The following ARMC8 variants were observed in gnomAD, a reference collection of about 807,000 sequenced individuals.
The protein encoded by ARMC8 is armadillo repeat-containing protein 8.
ARMC8 carries 20 observed loss-of-function variants against 99.3 expected under a neutral mutation model. The ratio of observed to expected loss-of-function variants is 0.20; its 90% CI spans 0.14 to 0.29. ARMC8 has a LOEUF of 0.29. Among genes scored for constraint, ARMC8 ranks in the 10% least tolerant of loss-of-function variants. ARMC8 has a pLI of 1.00. For missense variants in ARMC8, 569 were observed against 809.5 expected, an observed-to-expected ratio of 0.70 and a Z score of 3.60; for synonymous variants, 263 against 278.3, an observed-to-expected ratio of 0.95 and a Z score of 0.55.
chr3:138,277,736 C>T (rs1240739401), intron 18 of ARMC8, among the ~76,000 whole-genome samples: 1 of 152,186 alleles, frequency 6.6e-6, no homozygotes, highest in Non-Finnish European at 1.5e-5. Flanking sequence ...CAGTTTCTTA[C>T]AAAGTTGTAC....
At chr3:138,284,606 A>G in intron 19 of ARMC8, 80 bp downstream of exon 19, 1 of 1,073,624 alleles carries the variant, frequency 9.3e-7, no homozygotes, top group South Asian at 1.4e-5. Flanking sequence ...TTGTGCAGAG[A>G]TTTTAAAAAG....
intron 16 of ARMC8, 73 bp downstream of exon 16, chr3:138,270,205 T>G: frequency 8.5e-7 from 1 of 1,174,568 alleles, no homozygotes; most frequent in South Asian, 1.4e-5. Flanking sequence ...AACTATAATG[T>G]GTTATTTGAA....
intron 6 of ARMC8, among the ~76,000 whole-genome samples, chr3:138,233,225 A>G (rs2046149602): frequency 6.6e-6 from 1 of 152,206 alleles, no homozygotes; most frequent in Non-Finnish European, 1.5e-5. Flanking sequence ...CAGATGATGC[A>G]TGGATGAGGT....
At chr3:138,227,831 C>T (rs1161931003) in intron 5 of ARMC8, among the ~76,000 whole-genome samples, 3 of 152,206 alleles carry the variant, frequency 2.0e-5, no homozygotes, top group African/African-American at 7.2e-5. Context: ...AGTACATCTC[C>T]TGGGAATTTG....
At chr3:138,212,598 C>T (rs1029914215) in intron 2 of ARMC8, among the ~76,000 whole-genome samples, 2 of 151,992 alleles carry the variant, frequency 1.3e-5, no homozygotes, top group Admixed American at 1.3e-4. Context: ...TGAGCCACCG[C>T]GCCTGGCCTA....
chr3:138,264,394 A>G lies in ARMC8; in HGVS notation c.1299+182A>G, dbSNP rs946454566. ...AATGCTTCATGTGTGAGGGGGAACT[A>G]CAGGCCTGATTTTCTTTCTTTTTTT... is the stretch of plus-strand genomic sequence containing the variant. On this transcript the variant is annotated intron_variant, in intron 14 of 21. Coordinates refer to ENST00000469044, the MANE Select transcript of ARMC8 (RefSeq NM_001363941.2). Among the ~76,000 whole-genome samples, 8 of 147,780 alleles carry G rather than the reference A, an allele frequency of 5.4e-5. No individual in the cohort carries two copies. The South Asian group carries it at 8.6e-4, about 16-fold the overall frequency.
chr3:138,249,815 C>G (rs2108209024), intron 12 of ARMC8, among the ~76,000 whole-genome samples: 1 of 152,174 alleles, frequency 6.6e-6, no homozygotes, highest in African/African-American at 2.4e-5. Flanking sequence ...AATAAAACCT[C>G]AATAAGTCAG....
intron 16 of ARMC8, among the ~76,000 whole-genome samples, chr3:138,271,941 G>A (rs780074433): frequency 3.3e-5 from 5 of 151,886 alleles, no homozygotes; most frequent in South Asian, 2.1e-4. Context: ...GATTACAGGC[G>A]TGTGCCACCA....
Position 138,298,238 on chromosome 3 carries a change from A to T in ARMC8, c.*2346A>T, listed in dbSNP as rs1266769405. The T allele has an allele frequency of 6.6e-6, 1 of 152,220 alleles. No homozygotes were observed. Among genetic ancestry groups the T allele is most frequent in the Non-Finnish European group, 1.5e-5 (1 of 68,034 alleles). 9.4% of individuals were successfully genotyped at this position (152,220 alleles called of 1,614,324 possible). On this transcript the variant is annotated 3_prime_UTR_variant, in exon 22 of 22. Transcript: ENST00000469044. Reference sequence around the variant, plus strand: ...CCCTGATTGTAATCCAAAATTTATGAACTAGAAAAGAATGTCCAATTTAAT... The same window carrying T: ...CCCTGATTGTAATCCAAAATTTATGTACTAGAAAAGAATGTCCAATTTAAT...
chr3:138,194,439 A>G (rs1306008296), intron 1 of ARMC8, among the ~76,000 whole-genome samples: 48 of 124,690 alleles, frequency 3.8e-4, no homozygotes, highest in Middle Eastern at 5.8e-3. Flanking sequence ...CCAGGTTCAC[A>G]CCATTCTCCT....
intron 19 of ARMC8, 75 bp from the exon 20 acceptor site, chr3:138,288,973 G>GT: frequency 8.1e-7 from 1 of 1,233,990 alleles, no homozygotes; most frequent in Non-Finnish European, 1.2e-6. Flanking sequence ...ATTGGCTATG[G>GT]TAGGTCCCCC....
At chr3:138,217,848 T>TG (rs1357011132) in intron 2 of ARMC8, among the ~76,000 whole-genome samples, 4 of 152,232 alleles carry the variant, frequency 2.6e-5, no homozygotes, top group African/African-American at 9.6e-5. Flanking sequence ...TTTCTGTTGT[T>TG]TCCTGCACCC....
intron 12 of ARMC8, among the ~76,000 whole-genome samples, chr3:138,260,382 G>C (rs943366034): frequency 1.3e-5 from 2 of 152,134 alleles, no homozygotes; most frequent in African/African-American, 4.8e-5. Context: ...GGCCCAGAGA[G>C]GTAAATTGCC....
chr3:138,201,051 T>C lies in ARMC8; in HGVS notation c.46-8766T>C, dbSNP rs745640168. ...CCTCAGCTTCCCCAGTAGCTGGGATTATAGATGCATGCCACCATGCCCGAC... is the reference window on the plus strand; with the variant it reads ...CCTCAGCTTCCCCAGTAGCTGGGATCATAGATGCATGCCACCATGCCCGAC... On this transcript the variant is annotated intron_variant, in intron 1 of 21. Coordinates refer to ENST00000469044, the MANE Select transcript of ARMC8 (RefSeq NM_001363941.2). Among the ~76,000 whole-genome samples, 141 of 151,834 alleles carry C rather than the reference T, an allele frequency of 9.3e-4. 1 individual carries two copies. The highest frequency in any genetic ancestry group is 1.3e-3 in the Non-Finnish European group (89 of 67,954).
intron 12 of ARMC8, among the ~76,000 whole-genome samples, chr3:138,247,612 G>A (rs1414581146): frequency 6.6e-6 from 1 of 152,200 alleles, no homozygotes; most frequent in Non-Finnish European, 1.5e-5. Flanking sequence ...GAGGCAGAAT[G>A]AAGAAGAGAA....
chr3:138,220,798 T>C (rs1407105729), intron 2 of ARMC8, among the ~76,000 whole-genome samples: 1 of 151,438 alleles, frequency 6.6e-6, no homozygotes, highest in African/African-American at 2.4e-5. Context: ...GAAGTGATCC[T>C]CCTACCTTAG....
intron 18 of ARMC8, among the ~76,000 whole-genome samples, chr3:138,276,314 G>A (rs1484811159): frequency 6.6e-6 from 1 of 152,268 alleles, no homozygotes; most frequent in African/African-American, 2.4e-5. Flanking sequence ...AAAGTATACA[G>A]TGTTTCAGTT....
chr3:138,258,647 A>G, intron 12 of ARMC8, among the ~76,000 whole-genome samples: 1 of 152,344 alleles, frequency 6.6e-6, no homozygotes, highest in South Asian at 2.1e-4. Flanking sequence ...ATCCTGTTCT[A>G]ATAGATCCTT....
intron 2 of ARMC8, among the ~76,000 whole-genome samples, chr3:138,220,279 T>A (rs1303105300): frequency 6.6e-6 from 1 of 152,250 alleles, no homozygotes; most frequent in East Asian, 1.9e-4. Flanking sequence ...TATAGTTTTA[T>A]ATTCATGTAT....
Sources: gnomAD v4.1 joint callset for allele counts (sites outside exome capture counted in the v4.1 genomes callset) on GRCh38, gnomAD v4.1.1 for gene constraint, MANE v1.5 for transcripts, NCBI Gene and HGNC (gene_info 2026-07-23, HGNC 2026-07-21) for gene names.